The following SEMA6A variants were observed in gnomAD, a reference collection of about 807,000 sequenced individuals.
The protein encoded by SEMA6A is semaphorin 6A, also known as semaphorin-6A.
A neutral mutation model predicts 96.8 loss-of-function variants in SEMA6A; 25 were observed. That is an observed-to-expected ratio of 0.26 (90% CI 0.19 to 0.36). The LOEUF is 0.36. Among genes scored for constraint, SEMA6A ranks in the 10% least tolerant of loss-of-function variants. The pLI is 1.00. For synonymous variants in SEMA6A, 612 were observed against 518.0 expected, an observed-to-expected ratio of 1.18 and a Z score of -2.46; for missense variants, 1,363 against 1,323.1, an observed-to-expected ratio of 1.03 and a Z score of -0.47.
chr5:116,509,739 G>A (rs1758322785), intron 1 of SEMA6A, among the ~76,000 whole-genome samples: 1 of 152,090 alleles, frequency 6.6e-6, no homozygotes, highest in Admixed American at 6.5e-5. Context: ...GGGAATAAGG[G>A]GACCCAGGCT....
At chr5:116,555,960 A>G (rs945331366) in intron 1 of SEMA6A, among the ~76,000 whole-genome samples, 3 of 152,216 alleles carry the variant, frequency 2.0e-5, no homozygotes, top group Non-Finnish European at 4.4e-5. Context: ...TAAACACTGC[A>G]TTCAGAAAAC....
chr5:116,444,410 A>C lies in SEMA6A; in HGVS notation c.*2203T>G, dbSNP rs1754062012. ...TATCCAACTCAAAACTGTCATTGTCAGTCTTTTTTTGAATTCTTTTTAAAG... is the reference window on the plus strand; with the variant it reads ...TATCCAACTCAAAACTGTCATTGTCCGTCTTTTTTTGAATTCTTTTTAAAG... On this transcript the variant is annotated 3_prime_UTR_variant, in exon 19 of 19. Coordinates refer to ENST00000343348, the MANE Select transcript of SEMA6A (RefSeq NM_020796.5). 6.6e-6 allele frequency: 1 copy of C among 152,244 alleles called. No individual in the cohort carries two copies. Among genetic ancestry groups the C allele is most frequent in the East Asian group, 1.9e-4 (1 of 5,176 alleles). The allele number at this position is 152,244 out of a possible 1,614,324, so 9.4% of individuals were successfully genotyped here.
At chr5:116,466,692 G>A (rs1054453762) in intron 18 of SEMA6A, among the ~76,000 whole-genome samples, 1 of 152,160 alleles carries the variant, frequency 6.6e-6, no homozygotes, top group Non-Finnish European at 1.5e-5. Context: ...TGGCTGCTCT[G>A]CCCTTGAAAC....
chr5:116,531,385 C>T (rs1759468680), intron 1 of SEMA6A, among the ~76,000 whole-genome samples: 1 of 152,122 alleles, frequency 6.6e-6, no homozygotes, highest in African/African-American at 2.4e-5. Context: ...AGTGCAGTGT[C>T]TCTGAGGCAC....
intron 1 of SEMA6A, among the ~76,000 whole-genome samples, chr5:116,539,062 A>C (rs1353916444): frequency 3.9e-5 from 6 of 152,030 alleles, no homozygotes; most frequent in Non-Finnish European, 7.4e-5. Context: ...TCCATTATAT[A>C]GAAGATAATT....
At chr5:116,476,614 A>G (rs2112681188) in intron 15 of SEMA6A, among the ~76,000 whole-genome samples, 1 of 152,308 alleles carries the variant, frequency 6.6e-6, no homozygotes, top group African/African-American at 2.4e-5. Context: ...ATGAATGCAA[A>G]CCTTAAGGAA....
intron 1 of SEMA6A, among the ~76,000 whole-genome samples, chr5:116,571,104 G>A (rs1156362804): frequency 6.6e-6 from 1 of 152,118 alleles, no homozygotes; most frequent in Non-Finnish European, 1.5e-5. Flanking sequence ...CTCACTTGAA[G>A]GCATATATTT....
intron 7 of SEMA6A, among the ~76,000 whole-genome samples, chr5:116,490,263 CTTTTCTTA>C (rs1250021626): frequency 1.3e-5 from 2 of 152,082 alleles, no homozygotes; most frequent in Non-Finnish European, 2.9e-5. Context: ...CGAATCATAA[CTTTTCTTA>C]TGGATTTTGA....
chr5:116,473,915 A>C (rs1056440635), intron 16 of SEMA6A, among the ~76,000 whole-genome samples: 1 of 152,188 alleles, frequency 6.6e-6, no homozygotes, highest in Non-Finnish European at 1.5e-5. Flanking sequence ...GAGTGGGGTT[A>C]AAGGTCAAAG....
At chr5:116,523,043 G>A (rs1423950004) in intron 1 of SEMA6A, among the ~76,000 whole-genome samples, 1 of 152,184 alleles carries the variant, frequency 6.6e-6, no homozygotes, top group African/African-American at 2.4e-5. Flanking sequence ...GTGCAAGGAT[G>A]TGGTCAATGA....
intron 1 of SEMA6A, among the ~76,000 whole-genome samples, chr5:116,545,934 A>G (rs550880253): frequency 6.6e-6 from 1 of 152,378 alleles, no homozygotes; most frequent in South Asian, 2.1e-4. Context: ...GGTTAATGGC[A>G]TAAGTCCTCA....
rs73780331 is a variant in SEMA6A at position 116,536,917 on chromosome 5, C to T, written c.-38-31935G>A. ...AAAGCAAAACTGGTGTTCTTTTGTG[C>T]TGTACAAAGGCAGCACTTTGCTGAC... On this transcript the variant is annotated intron_variant, in intron 1 of 18. Transcript: ENST00000343348. Among the ~76,000 whole-genome samples the T allele has an allele frequency of 7.9e-3, 1,039 of 131,236 alleles. 14 individuals carry two copies. Among genetic ancestry groups the T allele is most frequent in the African/African-American group, 0.028 (975 of 35,328 alleles). The allele number at this position is 131,236 out of a possible 152,430, so 86.1% of individuals were successfully genotyped here.
chr5:116,457,304 C>T (rs796929943), intron 18 of SEMA6A, among the ~76,000 whole-genome samples: 10 of 152,224 alleles, frequency 6.6e-5, no homozygotes, highest in African/African-American at 2.2e-4. Flanking sequence ...TGCTTTAATA[C>T]GTCCAAAAGG....
chr5:116,566,022 G>C (rs960034421), intron 1 of SEMA6A, among the ~76,000 whole-genome samples: 3 of 142,128 alleles, frequency 2.1e-5, no homozygotes, highest in Non-Finnish European at 4.7e-5. Context: ...AAGAAGAATG[G>C]ATCTATCACA....
chr5:116,559,065 T>C (rs1760710239), intron 1 of SEMA6A, among the ~76,000 whole-genome samples: 1 of 152,188 alleles, frequency 6.6e-6, no homozygotes, highest in Non-Finnish European at 1.5e-5. Flanking sequence ...TTTTTAACAG[T>C]GGTTTTTATA....
At chr5:116,516,592 C>T (rs372201717) in intron 1 of SEMA6A, among the ~76,000 whole-genome samples, 37 of 152,008 alleles carry the variant, frequency 2.4e-4, no homozygotes, top group African/African-American at 7.2e-4. Flanking sequence ...AGCAAAATAA[C>T]GTAGGTGTTT....
intron 1 of SEMA6A, among the ~76,000 whole-genome samples, chr5:116,551,953 CA>C (rs1266800005): frequency 3.3e-5 from 5 of 152,208 alleles, no homozygotes; most frequent in Admixed American, 3.3e-4. Flanking sequence ...ATGTTTGTCA[CA>C]AGGATTCTCC....
intron 6 of SEMA6A, among the ~76,000 whole-genome samples, chr5:116,494,431 G>A (rs1485988224): frequency 6.6e-6 from 1 of 152,178 alleles, no homozygotes; most frequent in Non-Finnish European, 1.5e-5. Context: ...TGTGATCCCT[G>A]CCCTTGTAGA....
intron 18 of SEMA6A, among the ~76,000 whole-genome samples, chr5:116,456,421 A>T (rs560838990): frequency 6.6e-6 from 1 of 152,338 alleles, no homozygotes; most frequent in South Asian, 2.1e-4. Flanking sequence ...TGTGGGTATC[A>T]TGCTCTGACA....
Sources: gnomAD v4.1 joint callset for allele counts (sites outside exome capture counted in the v4.1 genomes callset) on GRCh38, gnomAD v4.1.1 for gene constraint, MANE v1.5 for transcripts, NCBI Gene and HGNC (gene_info 2026-07-23, HGNC 2026-07-21) for gene names.